The following UBE2R2 variants were observed in gnomAD, a reference collection of about 807,000 sequenced individuals.
UBE2R2 encodes the protein ubiquitin conjugating enzyme E2 R2, also known as ubiquitin-conjugating enzyme E2 R2.
In UBE2R2, 1 loss-of-function variant was observed where a neutral mutation model predicts 27.8. The observed-to-expected ratio is 0.04, with a 90% CI of 0.01 to 0.17. The LOEUF is 0.17. UBE2R2 is among the 10% of genes least tolerant of loss of function. UBE2R2 has a pLI of 1.00. For missense variants in UBE2R2, 100 were observed against 291.0 expected, an observed-to-expected ratio of 0.34 and a Z score of 4.78; for synonymous variants, 106 against 113.3, an observed-to-expected ratio of 0.94 and a Z score of 0.41.
At chr9:33,836,192 G>A (rs1483562130) in intron 1 of UBE2R2, among the ~76,000 whole-genome samples, 2 of 152,098 alleles carry the variant, frequency 1.3e-5, no homozygotes, top group African/African-American at 4.8e-5. Flanking sequence ...TATAATCCCA[G>A]CTACTCACCT....
chr9:33,861,570 C>T lies in UBE2R2; in HGVS notation c.178-25311C>T, dbSNP rs562367864. 3.6e-4 allele frequency among the ~76,000 whole-genome samples: 55 copies of T among 151,616 alleles called. No homozygotes were observed. In the South Asian group the frequency reaches 0.011, roughly 29 times the overall value. On this transcript the variant is annotated intron_variant, in intron 1 of 4. Coordinates refer to ENST00000263228, the MANE Select transcript of UBE2R2 (RefSeq NM_017811.4). ...TCATGCCACTGCACTCTAGCCTAGGCGACAGAGTGAGACCCTGTCTCAAAA... is the reference window on the plus strand; with the variant it reads ...TCATGCCACTGCACTCTAGCCTAGGTGACAGAGTGAGACCCTGTCTCAAAA...
chr9:33,844,307 C>A (rs960634743), intron 1 of UBE2R2, among the ~76,000 whole-genome samples: 7 of 152,128 alleles, frequency 4.6e-5, no homozygotes, highest in Admixed American at 6.6e-5. Context: ...CGGGTTCAAG[C>A]GATTCTTCTG....
chr9:33,919,643 G>A lies in UBE2R2; in HGVS notation c.*2406G>A, dbSNP rs576071787. On this transcript the variant is annotated 3_prime_UTR_variant, in exon 5 of 5. Transcript: ENST00000263228. ...AGCAGGTGGACATTCTGGTATTTTA[G>A]ACTGACTGAACGAAACCCAGAGGCT... 2.0e-5 allele frequency: 3 copies of A among 152,284 alleles called. No individual in the cohort carries two copies. The highest frequency in any genetic ancestry group is 7.2e-5 in the African/African-American group (3 of 41,572). 9.4% of individuals were successfully genotyped at this position (152,284 alleles called of 1,614,324 possible).
intron 1 of UBE2R2, among the ~76,000 whole-genome samples, chr9:33,869,782 A>T (rs1821445035): frequency 6.6e-6 from 1 of 151,928 alleles, no homozygotes; most frequent in Non-Finnish European, 1.5e-5. Flanking sequence ...CTTTTTGCTT[A>T]TGCATTTTAG....
At chr9:33,905,829 A>G (rs1822342164) in intron 3 of UBE2R2, among the ~76,000 whole-genome samples, 1 of 152,162 alleles carries the variant, frequency 6.6e-6, no homozygotes, top group South Asian at 2.1e-4. Context: ...TAGAGTGGAA[A>G]TGAGAGATTT....
chr9:33,881,381 G>T (rs1821729691), intron 1 of UBE2R2, among the ~76,000 whole-genome samples: 1 of 152,114 alleles, frequency 6.6e-6, no homozygotes, highest in African/African-American at 2.4e-5. Context: ...ATATTCAGAT[G>T]GTTGTACAGC....
intron 1 of UBE2R2, among the ~76,000 whole-genome samples, chr9:33,846,989 T>C (rs1820859182): frequency 6.8e-6 from 1 of 147,838 alleles, no homozygotes; most frequent in Non-Finnish European, 1.5e-5. Context: ...AAAACATCTT[T>C]ATTTTGCTTT....
At chr9:33,905,200 C>A (rs1355037056) in intron 3 of UBE2R2, among the ~76,000 whole-genome samples, 1 of 152,078 alleles carries the variant, frequency 6.6e-6, no homozygotes, top group Admixed American at 6.6e-5. Context: ...AAAAATAAAG[C>A]GTGAAACCAA....
At chr9:33,902,897 C>T (rs760806111) in intron 3 of UBE2R2, among the ~76,000 whole-genome samples, 28 of 152,036 alleles carry the variant, frequency 1.8e-4, no homozygotes, top group Non-Finnish European at 2.9e-4. Context: ...GTCGGGAGTT[C>T]AAGACTAGCC....
rs573814799 is a variant in UBE2R2 at position 33,830,954 on chromosome 9, A to T, written c.177+13020A>T. On this transcript the variant is annotated intron_variant, in intron 1 of 4. Coordinates refer to ENST00000263228, the MANE Select transcript of UBE2R2 (RefSeq NM_017811.4). Reference sequence around the variant, plus strand: ...AAATAACTGTGGTTCCATTTATAAGATAATATTAAGAATGAGTAGAGTAGG... The same window carrying T: ...AAATAACTGTGGTTCCATTTATAAGTTAATATTAAGAATGAGTAGAGTAGG... 10 of 152,064 alleles carry T rather than the reference A, an allele frequency of 6.6e-5. No homozygotes were observed. The South Asian group carries it at 8.3e-4, about 13-fold the overall frequency. The allele number at this position is 152,064 out of a possible 1,614,324, so 9.4% of individuals were successfully genotyped here.
intron 2 of UBE2R2, among the ~76,000 whole-genome samples, chr9:33,890,225 C>A (rs1821949066): frequency 6.6e-6 from 1 of 151,998 alleles, no homozygotes; most frequent in African/African-American, 2.4e-5. Context: ...ATGAATTTTT[C>A]TACAATAAAA....
intron 1 of UBE2R2, among the ~76,000 whole-genome samples, chr9:33,831,724 G>C (rs1252498495): frequency 6.6e-6 from 1 of 151,990 alleles, no homozygotes; most frequent in African/African-American, 2.4e-5. Context: ...CAGAGGCGCG[G>C]TCTTGGCTCA....
chr9:33,832,687 A>C (rs992609736), intron 1 of UBE2R2, among the ~76,000 whole-genome samples: 1 of 151,834 alleles, frequency 6.6e-6, no homozygotes, highest in African/African-American at 2.4e-5. Context: ...GAAAGAAAGA[A>C]ATTATTTAAT....
rs569759344 is a variant in UBE2R2, at chr9:33,891,499, T to C, written c.264+4532T>C. On this transcript the variant is annotated intron_variant, in intron 2 of 4. Transcript: ENST00000263228. ...CACCTCTACTAAAAATAGAAAAAATTAGCTGGGCATGGTGGCACACACCTG... is the reference window on the plus strand; with the variant it reads ...CACCTCTACTAAAAATAGAAAAAATCAGCTGGGCATGGTGGCACACACCTG... 1.2e-4 allele frequency among the ~76,000 whole-genome samples: 18 copies of C among 152,038 alleles called. No homozygotes were observed. The South Asian group carries it at 3.7e-3, about 32-fold the overall frequency.
At chr9:33,820,934 A>C (rs1297043060) in intron 1 of UBE2R2, among the ~76,000 whole-genome samples, 1 of 152,180 alleles carries the variant, frequency 6.6e-6, no homozygotes, top group East Asian at 1.9e-4. Context: ...TAATATCGCC[A>C]ATCCACGTGA....
intron 1 of UBE2R2, among the ~76,000 whole-genome samples, chr9:33,823,800 G>T (rs1820230118): frequency 6.6e-6 from 1 of 152,186 alleles, no homozygotes; most frequent in Admixed American, 6.6e-5. Context: ...TTTTCAGAGG[G>T]TTTACTGCCG....
intron 2 of UBE2R2, among the ~76,000 whole-genome samples, chr9:33,895,877 A>C (rs1822093890): frequency 6.8e-6 from 1 of 147,472 alleles, no homozygotes; most frequent in African/African-American, 2.5e-5. Flanking sequence ...GGTTCAAGCG[A>C]TTCTCCTGCC....
intron 2 of UBE2R2, among the ~76,000 whole-genome samples, chr9:33,898,525 C>A (rs1822174383): frequency 6.6e-6 from 1 of 151,854 alleles, no homozygotes; most frequent in South Asian, 2.1e-4. Flanking sequence ...CATATAGTTT[C>A]TATGTGTCTA....
In UBE2R2 at chr9:33,917,362, T is replaced by A. The variant is rs1266175692; in HGVS notation, c.*125T>A. On this transcript the variant is annotated 3_prime_UTR_variant, in exon 5 of 5. Coordinates refer to ENST00000263228, the MANE Select transcript of UBE2R2 (RefSeq NM_017811.4). ...CAGCGGGTGGGGAAACACACACAGC[T>A]CCTGCTGACTCCCCTTATGGATCTC... 7.2e-7 allele frequency: 1 copy of A among 1,381,618 alleles called. No individual in the cohort carries two copies. Among genetic ancestry groups the A allele is most frequent in the Admixed American group, 2.1e-5 (1 of 47,064 alleles). 85.6% of individuals were successfully genotyped at this position (1,381,618 alleles called of 1,614,324 possible).
Sources: gnomAD v4.1 joint callset for allele counts (sites outside exome capture counted in the v4.1 genomes callset) on GRCh38, gnomAD v4.1.1 for gene constraint, MANE v1.5 for transcripts, NCBI Gene and HGNC (gene_info 2026-07-23, HGNC 2026-07-21) for gene names.